CSTPP1: variants seen among roughly 807,000 people sequenced by gnomAD.
CSTPP1 encodes the protein UPF0705 protein C11orf49.
the CSTPP1 span, among the ~76,000 whole-genome samples, chr11:47,010,115 T>C: frequency 2.1e-4 from 32 of 151,486 alleles, no homozygotes; most frequent in Admixed American, 2.0e-3. Context: ...AATAGTGACA[T>C]TAATTTAGTT....
the CSTPP1 span, among the ~76,000 whole-genome samples, chr11:47,101,164 AT>A: frequency 4.3e-3 from 132 of 30,378 alleles, 2 homozygotes; most frequent in African/African-American, 0.023. Context: ...ACACCGGCTA[AT>A]TTTTTTTTTT....
chr11:47,133,074 C>T, the CSTPP1 span, among the ~76,000 whole-genome samples: 2 of 152,174 alleles, frequency 1.3e-5, no homozygotes, highest in Admixed American at 1.3e-4. Context: ...GCATGGAGAG[C>T]TTAAAAGTCA....
the CSTPP1 span, chr11:47,162,335 G>A: frequency 2.4e-6 from 2 of 826,986 alleles, no homozygotes; most frequent in Non-Finnish European, 2.9e-6. Flanking sequence ...CTAGGAGGTA[G>A]GCCAGTGGCC....
chr11:47,058,225 G>C, the CSTPP1 span, among the ~76,000 whole-genome samples: 1 of 152,160 alleles, frequency 6.6e-6, no homozygotes, highest in South Asian at 2.1e-4. Context: ...CTACTCTAAT[G>C]GCTGAGGCGG....
chr11:47,073,505 G>A, the CSTPP1 span, among the ~76,000 whole-genome samples: 2,168 of 152,210 alleles, frequency 0.014, 32 homozygotes, highest in Non-Finnish European at 0.021. Context: ...ACCAACTTGA[G>A]CAACATAGTG....
chr11:47,099,800 A>G, the CSTPP1 span, among the ~76,000 whole-genome samples: 1 of 152,242 alleles, frequency 6.6e-6, no homozygotes, highest in Non-Finnish European at 1.5e-5. Context: ...TTCTTTGACT[A>G]GTTATGTTGG....
the CSTPP1 span, chr11:46,987,475 C>A: frequency 1.9e-5 from 10 of 533,082 alleles, no homozygotes; most frequent in African/African-American, 3.9e-4. Flanking sequence ...TTGGAGCATG[C>A]CTTTGGTGCA....
At chr11:46,944,139 G>A in the CSTPP1 span, among the ~76,000 whole-genome samples, 1 of 152,042 alleles carries the variant, frequency 6.6e-6, no homozygotes, top group South Asian at 2.1e-4. Flanking sequence ...CCAAAATGGT[G>A]AAACCCCATC....
chr11:47,080,103 A>C, the CSTPP1 span, among the ~76,000 whole-genome samples: 1 of 151,702 alleles, frequency 6.6e-6, no homozygotes, highest in Non-Finnish European at 1.5e-5. Flanking sequence ...TCTCAAAAAC[A>C]AACAAACAAA....
chr11:47,110,109 C>T, the CSTPP1 span, among the ~76,000 whole-genome samples: 1 of 152,290 alleles, frequency 6.6e-6, no homozygotes, highest in South Asian at 2.1e-4. Flanking sequence ...TGATTTATGT[C>T]ATTGCTCTCC....
At chr11:47,149,231 G>A in the CSTPP1 span, among the ~76,000 whole-genome samples, 316 of 152,274 alleles carry the variant, frequency 2.1e-3, 1 homozygote, top group African/African-American at 7.2e-3. Flanking sequence ...GGCATGGTCC[G>A]CAAGGGTCCC....
chr11:47,121,469 G>A, the CSTPP1 span, among the ~76,000 whole-genome samples: 1 of 151,892 alleles, frequency 6.6e-6, no homozygotes, highest in Non-Finnish European at 1.5e-5. Flanking sequence ...ACAGATACCT[G>A]AAAAAAAATT....
the CSTPP1 span, among the ~76,000 whole-genome samples, chr11:47,000,801 A>T: frequency 6.6e-6 from 1 of 152,220 alleles, no homozygotes; most frequent in East Asian, 1.9e-4. Flanking sequence ...TGGGGATGAG[A>T]ATAGCTAATA....
At chr11:46,982,221 G>A in the CSTPP1 span, among the ~76,000 whole-genome samples, 3 of 151,726 alleles carry the variant, frequency 2.0e-5, no homozygotes, top group African/African-American at 7.3e-5. Flanking sequence ...ACCAAAATAT[G>A]TCTCAAAAGG....
At chr11:47,161,209 G>A in the CSTPP1 span, 1 of 1,614,190 alleles carries the variant, frequency 6.2e-7, no homozygotes, top group Non-Finnish European at 8.5e-7. Context: ...CAAGTGGGAG[G>A]ATACTGCCCC....
the CSTPP1 span, among the ~76,000 whole-genome samples, chr11:46,957,240 T>TA: frequency 6.6e-6 from 1 of 152,076 alleles, no homozygotes; most frequent in Non-Finnish European, 1.5e-5. Context: ...TCATGGGTAT[T>TA]ACTTCATTCT....
the CSTPP1 span, among the ~76,000 whole-genome samples, chr11:47,084,950 C>G: frequency 6.6e-6 from 1 of 151,978 alleles, no homozygotes; most frequent in African/African-American, 2.4e-5. Flanking sequence ...TTTGGGAGGC[C>G]AAGGTGGGCA....
the CSTPP1 span, among the ~76,000 whole-genome samples, chr11:47,037,975 C>A: frequency 9.0e-6 from 1 of 111,496 alleles, no homozygotes; most frequent in African/African-American, 2.8e-5. Flanking sequence ...GGGCAGAGGG[C>A]TGACCCCCCC....
chr11:47,094,490 G>C, the CSTPP1 span, among the ~76,000 whole-genome samples: 5 of 151,986 alleles, frequency 3.3e-5, no homozygotes, highest in African/African-American at 7.2e-5. Context: ...CAGAGAGAGA[G>C]AGAGAGAGAG....
Sources: gnomAD v4.1 joint callset for allele counts (sites outside exome capture counted in the v4.1 genomes callset) on GRCh38, gnomAD v4.1.1 for gene constraint, MANE v1.5 for transcripts, NCBI Gene and HGNC (gene_info 2026-07-23, HGNC 2026-07-21) for gene names.